The following MRPS6 variants were observed in gnomAD, a reference collection of about 807,000 sequenced individuals.
The protein encoded by MRPS6 is small ribosomal subunit protein bS6m.
MRPS6 carries 6 observed loss-of-function variants against 13.1 expected under a neutral mutation model. The observed-to-expected ratio is 0.46, with a 90% confidence interval of 0.25 to 0.91. The LOEUF is 0.91. Among genes scored for constraint, MRPS6 ranks in the 40% least tolerant of loss-of-function variants. MRPS6 has a pLI of 0.18. For missense variants in MRPS6, 164 were observed against 155.6 expected (o/e 1.05, Z -0.29); for synonymous variants, 61 against 56.5 (o/e 1.08, Z -0.36).
At chr21:34,124,032 C>T (rs1174121183) in intron 1 of MRPS6, 3 of 152,408 alleles carry the variant, frequency 2.0e-5, no homozygotes, top group Admixed American at 1.3e-4. Flanking sequence ...ATCTCCTTTC[C>T]TCTCCCCCTC....
chr21:34,082,851 G>C (rs1569413066), intron 1 of MRPS6, among the ~76,000 whole-genome samples: 1 of 151,964 alleles, frequency 6.6e-6, no homozygotes, highest in East Asian at 1.9e-4. Context: ...GACTTGTTTT[G>C]CTTCCCCTTG....
chr21:34,099,947 C>G, intron 1 of MRPS6: 1 of 416,432 alleles, frequency 2.4e-6, no homozygotes, highest in Non-Finnish European at 3.4e-6. Flanking sequence ...AGTCTTCAAT[C>G]TATATTTCAT....
At chr21:34,077,052 A>G (rs894609874) in intron 1 of MRPS6, among the ~76,000 whole-genome samples, 1 of 152,180 alleles carries the variant, frequency 6.6e-6, no homozygotes, top group Non-Finnish European at 1.5e-5. Context: ...ATCCACCTCC[A>G]CCCTGCCCCC....
At chr21:34,088,064 A>G (rs1978487490) in intron 1 of MRPS6, among the ~76,000 whole-genome samples, 1 of 152,200 alleles carries the variant, frequency 6.6e-6, no homozygotes, top group East Asian at 1.9e-4. Flanking sequence ...ACAACAGGCA[A>G]CTACAACACT....
chr21:34,125,366 G>A lies in MRPS6; in HGVS notation c.71G>A (p.Arg24His), dbSNP rs753096820. 95 of 1,613,458 alleles carry A rather than the reference G, an allele frequency of 5.9e-5. No homozygotes were observed. The South Asian group carries it at 9.6e-4, about 16-fold the overall frequency. ...QRPETAATLK[R>H]TIEALMDRGA... The stretch of plus-strand genomic sequence containing the variant: ...CCAGAGACTGCTGCTACTTTGAAAC[G>A]TACGATAGAGGCCCTGATGGACAGA... The change falls in exon 2 of 3, where the codon CGT becomes CAT. Residue 24 changes from arginine (R) to histidine (H), a missense_variant. Transcript: ENST00000399312.
At chr21:34,086,209 G>GGTTTTGTTTT (rs528305689) in intron 1 of MRPS6, among the ~76,000 whole-genome samples, 7 of 152,202 alleles carry the variant, frequency 4.6e-5, no homozygotes, top group South Asian at 2.1e-4. Context: ...ATTAGATTCA[G>GGTTTTGTTTT]GTTTTGTTTT....
intron 1 of MRPS6, among the ~76,000 whole-genome samples, chr21:34,120,394 A>G (rs559089408): frequency 6.6e-6 from 1 of 152,338 alleles, no homozygotes; most frequent in Non-Finnish European, 1.5e-5. Context: ...TACAAAATAC[A>G]GCTTGATTTC....
At chr21:34,077,917 A>G (rs1453071818) in intron 1 of MRPS6, among the ~76,000 whole-genome samples, 1 of 152,204 alleles carries the variant, frequency 6.6e-6, no homozygotes, top group Non-Finnish European at 1.5e-5. Flanking sequence ...TTTGTTCTAG[A>G]GTTCTATTCA....
intron 1 of MRPS6, among the ~76,000 whole-genome samples, chr21:34,078,674 T>G (rs923006760): frequency 1.3e-5 from 2 of 152,190 alleles, no homozygotes; most frequent in Non-Finnish European, 2.9e-5. Flanking sequence ...ATCTAGTGCC[T>G]TTGCTGTGTT....
At chr21:34,089,863 A>G (rs1315739324) in intron 1 of MRPS6, among the ~76,000 whole-genome samples, 1 of 152,228 alleles carries the variant, frequency 6.6e-6, no homozygotes, top group Non-Finnish European at 1.5e-5. Flanking sequence ...ATGTTTTGTC[A>G]AAAAGATTTA....
chr21:34,125,338 C>T lies in MRPS6; in HGVS notation c.46-3C>T. ...TTTTCTTTAAAAACACAAACAAAAA[C>T]AGCCAGAGACTGCTGCTACTTTGAA... On this transcript the variant is annotated splice_polypyrimidine_tract_variant and splice_region_variant and intron_variant, in intron 1 of 2. Coordinates refer to ENST00000399312, the MANE Select transcript of MRPS6 (RefSeq NM_032476.4). 1 of 1,599,790 alleles carries T rather than the reference C, an allele frequency of 6.3e-7. No homozygotes were observed. The highest frequency in any genetic ancestry group is 2.2e-5 in the East Asian group (1 of 44,804).
chr21:34,099,285 T>G, intron 1 of MRPS6: 1 of 1,000,256 alleles, frequency 1.0e-6, no homozygotes, highest in Non-Finnish European at 1.2e-6. Flanking sequence ...GGCTGCGACA[T>G]GTCCAAGGTT....
intron 1 of MRPS6, among the ~76,000 whole-genome samples, chr21:34,082,055 G>T (rs1006380859): frequency 1.3e-4 from 19 of 143,658 alleles, no homozygotes; most frequent in Admixed American, 5.6e-4. Flanking sequence ...AGGAAATCTG[G>T]TTTTTTTTTT....
chr21:34,128,240 T>G (rs926904743), intron 2 of MRPS6, among the ~76,000 whole-genome samples: 1 of 152,122 alleles, frequency 6.6e-6, no homozygotes, highest in East Asian at 1.9e-4. Flanking sequence ...AGGGAGTGTG[T>G]GTGAAAGTGC....
intron 1 of MRPS6, chr21:34,105,238 T>C: frequency 1.0e-6 from 1 of 1,000,274 alleles, no homozygotes; most frequent in African/African-American, 1.7e-5. Context: ...TGCTTGGACA[T>C]CCCATTTTCT....
At chr21:34,138,296 A>G (rs1395341668) in intron 2 of MRPS6, among the ~76,000 whole-genome samples, 2 of 151,978 alleles carry the variant, frequency 1.3e-5, no homozygotes, top group African/African-American at 4.8e-5. Context: ...TTTTGTTGCC[A>G]TTGCTTTTGG....
intron 1 of MRPS6, among the ~76,000 whole-genome samples, chr21:34,118,211 G>A (rs780763637): frequency 3.9e-5 from 6 of 152,044 alleles, no homozygotes; most frequent in African/African-American, 7.2e-5. Flanking sequence ...GAAAATCTGT[G>A]TGTAAACTTT....
At chr21:34,103,081 TTTG>T (rs1329579058) in intron 1 of MRPS6, 4 of 1,000,034 alleles carry the variant, frequency 4.0e-6, no homozygotes, top group Middle Eastern at 5.2e-4. Context: ...AACTCATCTT[TTTG>T]TTGTTATAAT....
At chr21:34,129,025 G>A (rs954205418) in intron 2 of MRPS6, among the ~76,000 whole-genome samples, 2 of 152,164 alleles carry the variant, frequency 1.3e-5, no homozygotes, top group Non-Finnish European at 2.9e-5. Flanking sequence ...GTGTCTGCAC[G>A]TGCTCACCCT....
Sources: allele counts gnomAD v4.1 joint callset (sites outside exome capture counted in the v4.1 genomes callset), GRCh38; gene constraint gnomAD v4.1.1; transcripts MANE v1.5; gene names NCBI Gene and HGNC (gene_info 2026-07-23, HGNC 2026-07-21).